PDE7B: variants seen among roughly 807,000 people sequenced by gnomAD.
The protein encoded by PDE7B is 3',5'-cyclic-AMP phosphodiesterase 7B.
In PDE7B, 29 loss-of-function variants were observed where a neutral mutation model predicts 56.2. That is an observed-to-expected ratio of 0.52 (90% CI 0.38 to 0.70). The LOEUF (loss-of-function observed/expected upper bound fraction) is 0.70, where lower values mean the gene tolerates loss of function less well. PDE7B is among the 30% of genes least tolerant of loss of function. The pLI is 0.00. For missense variants in PDE7B, 490 were observed against 565.0 expected, an observed-to-expected ratio of 0.87 and a Z score of 1.35; for synonymous variants, 197 against 196.9, an observed-to-expected ratio of 1.00 and a Z score of 0.00.
intron 2 of PDE7B, among the ~76,000 whole-genome samples, chr6:135,977,996 C>G (rs1282657544): frequency 6.6e-6 from 1 of 152,058 alleles, no homozygotes; most frequent in Non-Finnish European, 1.5e-5. Flanking sequence ...TAATTTATGT[C>G]TACCTGGGCT....
At chr6:136,076,908 A>T (rs1468617488) in intron 2 of PDE7B, among the ~76,000 whole-genome samples, 2 of 152,178 alleles carry the variant, frequency 1.3e-5, no homozygotes, top group Non-Finnish European at 2.9e-5. Context: ...AGGGAAAAAA[A>T]CTAAGGTTAT....
intron 9 of PDE7B, among the ~76,000 whole-genome samples, chr6:136,176,605 CATATCTTTACTAATT>C (rs1438618094): frequency 3.3e-5 from 5 of 152,078 alleles, no homozygotes; most frequent in Admixed American, 1.3e-4. Flanking sequence ...ATCCTTGTAA[CATATCTTTACTAATT>C]ATATCTTTAC....
At chr6:136,017,664 C>T (rs1178444106) in intron 2 of PDE7B, among the ~76,000 whole-genome samples, 1 of 152,016 alleles carries the variant, frequency 6.6e-6, no homozygotes, top group African/African-American at 2.4e-5. Context: ...AAACTTTAAA[C>T]TCTGGATTTG....
At chr6:136,064,810 C>T (rs1776906237) in intron 2 of PDE7B, among the ~76,000 whole-genome samples, 1 of 152,162 alleles carries the variant, frequency 6.6e-6, no homozygotes. Context: ...CTTCATTCTC[C>T]TTCATGACAT....
chr6:135,852,605 C>T (rs1419509425), intron 1 of PDE7B, among the ~76,000 whole-genome samples: 2 of 152,042 alleles, frequency 1.3e-5, no homozygotes, highest in Non-Finnish European at 2.9e-5. Context: ...TCCTTCATCA[C>T]CTTGTTGCAT....
At chr6:136,174,992 A>G (rs1409662835) in intron 9 of PDE7B, among the ~76,000 whole-genome samples, 2 of 152,210 alleles carry the variant, frequency 1.3e-5, no homozygotes, top group African/African-American at 2.4e-5. Flanking sequence ...CAAGGAAGAA[A>G]GAAGGAGAAG....
chr6:136,123,742 C>T (rs1387985816), intron 3 of PDE7B, among the ~76,000 whole-genome samples: 1 of 152,194 alleles, frequency 6.6e-6, no homozygotes, highest in Non-Finnish European at 1.5e-5. Flanking sequence ...ATTTAAACAG[C>T]AATTATTAAC....
intron 1 of PDE7B, among the ~76,000 whole-genome samples, chr6:135,927,006 A>G (rs1016814673): frequency 6.6e-6 from 1 of 152,156 alleles, no homozygotes; most frequent in East Asian, 1.9e-4. Context: ...CATAATTCTA[A>G]TTGTTTCTTC....
intron 2 of PDE7B, among the ~76,000 whole-genome samples, chr6:136,006,852 G>A (rs780799105): frequency 6.6e-6 from 1 of 152,172 alleles, no homozygotes; most frequent in Non-Finnish European, 1.5e-5. Context: ...CATGTTGTCT[G>A]CAAACAGGGA....
chr6:135,950,764 T>C (rs1369661194), intron 2 of PDE7B, among the ~76,000 whole-genome samples: 1 of 152,140 alleles, frequency 6.6e-6, no homozygotes, highest in Admixed American at 6.5e-5. Flanking sequence ...TCTCTTCCAT[T>C]GGCGAGTCCC....
intron 2 of PDE7B, among the ~76,000 whole-genome samples, chr6:136,103,997 AAC>A (rs1777605818): frequency 6.6e-6 from 1 of 152,172 alleles, no homozygotes; most frequent in Non-Finnish European, 1.5e-5. Flanking sequence ...AGCTTTTATT[AAC>A]CAGAGGCAGC....
At chr6:135,991,121 C>T (rs770611071) in intron 2 of PDE7B, among the ~76,000 whole-genome samples, 8 of 152,256 alleles carry the variant, frequency 5.3e-5, no homozygotes, top group Admixed American at 4.6e-4. Flanking sequence ...TCACTCTTAC[C>T]GCCATCTTGG....
chr6:135,854,849 A>G (rs186564774), intron 1 of PDE7B, among the ~76,000 whole-genome samples: 1 of 152,214 alleles, frequency 6.6e-6, no homozygotes, highest in Non-Finnish European at 1.5e-5. Context: ...ACCCAAATCA[A>G]CTGAATACCT....
chr6:136,058,750 TG>T lies in PDE7B; in HGVS notation c.83-49978del, dbSNP rs376113225. Among the ~76,000 whole-genome samples, 94 of 152,296 alleles carry T rather than the reference TG, an allele frequency of 6.2e-4. 1 individual carries two copies. The East Asian group carries it at 0.017, about 28-fold the overall frequency. On this transcript the variant is annotated intron_variant, in intron 2 of 12. Coordinates refer to ENST00000308191, the MANE Select transcript of PDE7B (RefSeq NM_018945.4). ...AGGGGATGAGGAAGAGAGATTTTAATGGGTGGTATTTTACAGAATTCAGGGG... is the reference window on the plus strand; with the variant it reads ...AGGGGATGAGGAAGAGAGATTTTAATGGTGGTATTTTACAGAATTCAGGGG...
chr6:135,868,259 G>T (rs1353902520), intron 1 of PDE7B, among the ~76,000 whole-genome samples: 1 of 151,984 alleles, frequency 6.6e-6, no homozygotes, highest in Non-Finnish European at 1.5e-5. Flanking sequence ...GGTTCTCTGA[G>T]TTTTTGTCCT....
At chr6:136,176,947 T>C (rs1166840713) in intron 9 of PDE7B, among the ~76,000 whole-genome samples, 1 of 152,172 alleles carries the variant, frequency 6.6e-6, no homozygotes, top group Admixed American at 6.5e-5. Context: ...TTTTGAGATA[T>C]TTTGTATTTC....
chr6:135,873,661 G>A (rs1775433671), intron 1 of PDE7B, among the ~76,000 whole-genome samples: 1 of 152,046 alleles, frequency 6.6e-6, no homozygotes, highest in Admixed American at 6.6e-5. Context: ...ACATAAACAT[G>A]TTGTAAGTAG....
intron 6 of PDE7B, among the ~76,000 whole-genome samples, chr6:136,152,280 G>A (rs973449859): frequency 4.6e-5 from 7 of 152,260 alleles, no homozygotes; most frequent in Non-Finnish European, 1.0e-4. Flanking sequence ...AGCAGCATGC[G>A]CCTCAAATAA....
intron 3 of PDE7B, among the ~76,000 whole-genome samples, chr6:136,131,796 A>G (rs1419789705): frequency 6.6e-6 from 1 of 152,172 alleles, no homozygotes; most frequent in Non-Finnish European, 1.5e-5. Context: ...ACACATACAT[A>G]GAATCGCTTC....
Sources: allele counts gnomAD v4.1 joint callset (sites outside exome capture counted in the v4.1 genomes callset), GRCh38; gene constraint gnomAD v4.1.1; transcripts MANE v1.5; gene names NCBI Gene and HGNC (gene_info 2026-07-23, HGNC 2026-07-21).